Variants in FAT4 observed in about 807,000 individuals in gnomAD.
The protein encoded by FAT4 is protocadherin Fat 4.
Under a neutral mutation model 303.9 loss-of-function variants are expected in FAT4, and 84 were observed. The observed-to-expected ratio is 0.28, with a 90% CI of 0.23 to 0.33. The LOEUF is 0.33. FAT4 is among the 10% of genes least tolerant of loss of function. FAT4 has a pLI of 1.00. For synonymous variants in FAT4, 2,307 were observed against 2,298.8 expected (o/e 1.00, Z -0.10); for missense variants, 6,005 against 6,146.8 (o/e 0.98, Z 0.77).
At chr4:125,385,682 G>A (rs968627650) in intron 2 of FAT4, among the ~76,000 whole-genome samples, 15 of 152,126 alleles carry the variant, frequency 9.9e-5, no homozygotes, top group African/African-American at 3.6e-4. Flanking sequence ...GTTGTAGTCA[G>A]TATTTATAAT....
chr4:125,351,245 A>G lies in FAT4; in HGVS notation c.5175+29659A>G, dbSNP rs569813395. Among the ~76,000 whole-genome samples, 15 of 151,902 alleles carry G rather than the reference A, an allele frequency of 9.9e-5. No individual in the cohort carries two copies. The South Asian group carries it at 2.7e-3, about 27-fold the overall frequency. ...TATGAAGATAAGTTTGGTGCCACCA[A>G]TTTGAAATTAAATGTACAGATAAAA... On this transcript the variant is annotated intron_variant, in intron 2 of 17. Transcript: ENST00000394329.
At chr4:125,387,508 TA>T (rs1221244255) in intron 2 of FAT4, among the ~76,000 whole-genome samples, 1 of 152,134 alleles carries the variant, frequency 6.6e-6, no homozygotes, top group Non-Finnish European at 1.5e-5. Flanking sequence ...TTTCTATTCT[TA>T]AAAAAACACA....
chr4:125,478,895 C>A (rs1198142640), intron 14 of FAT4, among the ~76,000 whole-genome samples: 1 of 152,058 alleles, frequency 6.6e-6, no homozygotes, highest in Non-Finnish European at 1.5e-5. Context: ...TCAATAGCTT[C>A]CCATCTCACC....
intron 2 of FAT4, among the ~76,000 whole-genome samples, chr4:125,373,125 C>T (rs1158542536): frequency 1.3e-5 from 2 of 152,042 alleles, no homozygotes; most frequent in South Asian, 2.1e-4. Context: ...CATTGAACTC[C>T]TTTCTTTCTA....
intron 10 of FAT4, among the ~76,000 whole-genome samples, chr4:125,458,381 T>G (rs1726361098): frequency 6.6e-6 from 1 of 152,002 alleles, no homozygotes; most frequent in South Asian, 2.1e-4. Context: ...TGGAAAGAGT[T>G]ACTAAGAGTG....
In FAT4 at chr4:125,321,364, A is replaced by G. The variant is rs201688197; in HGVS notation, c.4953A>G (p.Ile1651Met). The G allele has an allele frequency of 1.0e-4, 167 of 1,614,078 alleles. No homozygotes were observed. The highest frequency in any genetic ancestry group is 1.0e-4 in the Admixed American group (6 of 60,008). The part of the protein sequence containing the change: ...GEPIGTNVIS[I>M]EAASPRGSEA... Reference sequence around the variant, plus strand: ...CCATTGGCACAAACGTGATATCAATAGAAGCAGCTAGCCCCAGAGGATCTG... The same window carrying G: ...CCATTGGCACAAACGTGATATCAATGGAAGCAGCTAGCCCCAGAGGATCTG... The change falls in exon 2 of 18, where the codon ATA becomes ATG. Residue 1651 changes from isoleucine (I) to methionine (M), a missense_variant. Ile to Met is a conservative substitution (Grantham distance 10, BLOSUM62 1). Coordinates refer to ENST00000394329, the MANE Select transcript of FAT4 (RefSeq NM_001291303.3).
chr4:125,375,191 A>C (rs1367552995), intron 2 of FAT4, among the ~76,000 whole-genome samples: 1 of 152,208 alleles, frequency 6.6e-6, no homozygotes, highest in Non-Finnish European at 1.5e-5. Context: ...AAACCAAAGA[A>C]AGGAGAGTTT....
chr4:125,419,066 G>A (rs550996061), intron 7 of FAT4, among the ~76,000 whole-genome samples: 6 of 152,198 alleles, frequency 3.9e-5, no homozygotes, highest in African/African-American at 1.2e-4. Flanking sequence ...TCCTACCTCT[G>A]ACATTCCCAG....
At position 125,491,804 on chromosome 4, in the gene FAT4, G is replaced by T. The variant is rs774804406; in HGVS notation, c.*36G>T. The T allele has an allele frequency of 2.4e-5, 37 of 1,531,752 alleles. No homozygotes were observed. The highest frequency in any genetic ancestry group is 3.2e-5 in the Non-Finnish European group (36 of 1,141,386). The allele number at this position is 1,531,752 out of a possible 1,614,324, so 94.9% of individuals were successfully genotyped here. A position where few individuals can be genotyped will look rare whatever the true frequency, so the allele number is the denominator to read the frequency against. ...CTGGCACTATAAAATATAAAAACAA[G>T]AAATAATACTCAAACCATTGTAAAG... On this transcript the variant is annotated 3_prime_UTR_variant, in exon 18 of 18. Transcript: ENST00000394329.
chr4:125,443,820 A>C (rs1725739999), intron 8 of FAT4, among the ~76,000 whole-genome samples: 1 of 152,158 alleles, frequency 6.6e-6, no homozygotes, highest in South Asian at 2.1e-4. Flanking sequence ...TGAGAATAGA[A>C]CCAAGCCTCA....
At chr4:125,474,549 A>C (rs902118816) in intron 12 of FAT4, among the ~76,000 whole-genome samples, 1 of 151,742 alleles carries the variant, frequency 6.6e-6, no homozygotes, top group African/African-American at 2.4e-5. Context: ...AAAAAATGGC[A>C]AAAAAAATTC....
chr4:125,372,203 A>C (rs1304956221), intron 2 of FAT4, among the ~76,000 whole-genome samples: 1 of 152,062 alleles, frequency 6.6e-6, no homozygotes, highest in African/African-American at 2.4e-5. Context: ...GAAAAAAGAA[A>C]AAAGGAAAAT....
At chr4:125,363,802 AT>A (rs1732761342) in intron 2 of FAT4, among the ~76,000 whole-genome samples, 1 of 152,006 alleles carries the variant, frequency 6.6e-6, no homozygotes, top group South Asian at 2.1e-4. Context: ...CCTGTAGCTT[AT>A]TTTTTAAAAC....
chr4:125,338,103 A>C lies in FAT4; in HGVS notation c.5175+16517A>C, dbSNP rs536724807. ...TTGAGAACTATGTAAATGACACTACATCTTTTCATCCCTGTTCTTAGATGA... is the reference window on the plus strand; with the variant it reads ...TTGAGAACTATGTAAATGACACTACCTCTTTTCATCCCTGTTCTTAGATGA... On this transcript the variant is annotated intron_variant, in intron 2 of 17. Transcript: ENST00000394329. 2.0e-5 allele frequency among the ~76,000 whole-genome samples: 3 copies of C among 152,218 alleles called. No homozygotes were observed. The South Asian group carries it at 6.2e-4, about 31-fold the overall frequency.
Position 125,446,536 on chromosome 4 carries a change from T to A in FAT4, c.7443T>A (p.Thr2481=), listed in dbSNP as rs755460173. Residue 2481 remains threonine (T), a synonymous_variant, in exon 9 of 18, where the codon ACT becomes ACA. Coordinates refer to ENST00000394329, the MANE Select transcript of FAT4 (RefSeq NM_001291303.3). The part of the protein sequence containing the change: ...HPYVTHIPSP[T]LPGSFVFAVT... Reference sequence around the variant, plus strand: ...ATGTCACTCACATCCCATCTCCTACTCTTCCAGGTAATCAACCAAATTCTG... The same window carrying A: ...ATGTCACTCACATCCCATCTCCTACACTTCCAGGTAATCAACCAAATTCTG... 1.9e-6 allele frequency: 3 copies of A among 1,606,392 alleles called. No homozygotes were observed. In the South Asian group the frequency reaches 3.3e-5, roughly 18 times the overall value.
chr4:125,457,096 C>G (rs1456769697), intron 10 of FAT4, among the ~76,000 whole-genome samples: 2 of 150,720 alleles, frequency 1.3e-5, no homozygotes, highest in Admixed American at 6.7e-5. Flanking sequence ...TAATCCTCAG[C>G]CACTACCCAT....
rs1395608165 is a variant in FAT4 at position 125,402,385 on chromosome 4, CA to C, written c.5307+3473del. 2.0e-5 allele frequency among the ~76,000 whole-genome samples: 3 copies of C among 151,974 alleles called. No homozygotes were observed. In the East Asian group the frequency reaches 5.8e-4, roughly 29 times the overall value. On this transcript the variant is annotated intron_variant, in intron 3 of 17. Transcript: ENST00000394329. ...TAATGGAATTCCTAGTGAAACAGAA[CA>C]AATGTACAGAGTGTGGTCAGATGAG...
At chr4:125,347,346 A>G (rs1267475182) in intron 2 of FAT4, among the ~76,000 whole-genome samples, 1 of 151,470 alleles carries the variant, frequency 6.6e-6, no homozygotes, top group Non-Finnish European at 1.5e-5. Flanking sequence ...AAAGAAGATA[A>G]GAAAAATCTG....
Position 125,316,833 on chromosome 4 carries a change from T to C in FAT4, c.422T>C (p.Val141Ala). The C allele has an allele frequency of 6.2e-7, 1 of 1,613,882 alleles. No homozygotes were observed. Among genetic ancestry groups the C allele is most frequent in the Non-Finnish European group, 8.5e-7 (1 of 1,179,970 alleles). The stretch of plus-strand genomic sequence containing the variant: ...CCCGTTTTCCCGGACCCCTCTATCG[T>C]GGTCACTTTCAAGGAAGACAGTAGC... ...NAPVFPDPSI[V>A]VTFKEDSSSG... Residue 141 changes from valine to alanine, a missense_variant, in exon 2 of 18, where the codon GTG (valine) becomes GCG (alanine). Coordinates refer to ENST00000394329, the MANE Select transcript of FAT4 (RefSeq NM_001291303.3). The surrounding 1 kb of genome is among the most constrained non-coding windows in gnomAD (Gnocchi z 5.7).
Sources: gnomAD v4.1 joint callset for allele counts (sites outside exome capture counted in the v4.1 genomes callset) on GRCh38, gnomAD v4.1.1 for gene constraint, Gnocchi (gnomAD v3.1) non-coding constraint, MANE v1.5 for transcripts, NCBI Gene and HGNC (gene_info 2026-07-23, HGNC 2026-07-21) for gene names.